Variants in CTNND2 observed in about 807,000 individuals in gnomAD.
CTNND2 encodes catenin delta-2.
A neutral mutation model predicts 144.4 loss-of-function variants in CTNND2; 22 were observed. That is an observed-to-expected ratio of 0.15 (90% CI 0.11 to 0.22). The LOEUF is 0.22. Ranked by LOEUF, CTNND2 falls within the 10% of genes least tolerant of loss-of-function variation. The pLI is 1.00. For missense variants in CTNND2, 1,353 were observed against 1,618.8 expected (o/e 0.84, Z 2.82); for synonymous variants, 751 against 695.6 (o/e 1.08, Z -1.25).
rs1789894935 is a variant in CTNND2, at chr5:11,770,905, G to C, written c.38-38633C>G. ...AACACAGTAGGTGCCCAAAAAGGAG[G>C]GGGGGACTAGTTTCAGTTGCTTTCT... On this transcript the variant is annotated intron_variant, in intron 1 of 21. Coordinates refer to ENST00000304623, the MANE Select transcript of CTNND2 (RefSeq NM_001332.4). Among the ~76,000 whole-genome samples the C allele has an allele frequency of 2.0e-5, 3 of 152,072 alleles. No homozygotes were observed. The South Asian group carries it at 6.2e-4, about 32-fold the overall frequency.
At chr5:11,597,172 A>C (rs1488822950) in intron 2 of CTNND2, among the ~76,000 whole-genome samples, 3 of 152,226 alleles carry the variant, frequency 2.0e-5, no homozygotes, top group Admixed American at 6.5e-5. Flanking sequence ...AGAATTTTGA[A>C]GACTTTTCTG....
chr5:11,469,576 G>A (rs1157966711), intron 3 of CTNND2, among the ~76,000 whole-genome samples: 1 of 152,090 alleles, frequency 6.6e-6, no homozygotes, highest in African/African-American at 2.4e-5. Flanking sequence ...CATCACAGGG[G>A]CTGACAAAGA....
intron 11 of CTNND2, among the ~76,000 whole-genome samples, chr5:11,188,003 G>T (rs891403709): frequency 5.9e-5 from 9 of 152,170 alleles, no homozygotes; most frequent in Non-Finnish European, 1.2e-4. Context: ...CACTGCTGGT[G>T]GGAATGTAAA....
intron 3 of CTNND2, among the ~76,000 whole-genome samples, chr5:11,528,699 T>C (rs896335036): frequency 1.3e-5 from 2 of 152,202 alleles, no homozygotes; most frequent in African/African-American, 2.4e-5. Context: ...CTTGGGGAGT[T>C]GGCCGTGCTG....
chr5:11,189,286 T>C (rs563464718), intron 11 of CTNND2, among the ~76,000 whole-genome samples: 1 of 152,030 alleles, frequency 6.6e-6, no homozygotes, highest in Non-Finnish European at 1.5e-5. Context: ...GGCTGTAAGG[T>C]GCCTGGGTCC....
chr5:11,156,109 T>C (rs1758196035), intron 12 of CTNND2, among the ~76,000 whole-genome samples: 1 of 152,182 alleles, frequency 6.6e-6, no homozygotes, highest in South Asian at 2.1e-4. Flanking sequence ...CTTGAGAAAC[T>C]GGACAGAGCC....
chr5:11,068,729 C>T (rs1747891077), intron 16 of CTNND2, among the ~76,000 whole-genome samples: 1 of 152,158 alleles, frequency 6.6e-6, no homozygotes. Flanking sequence ...TCCTGGCTAA[C>T]ACGGTGAAAC....
At chr5:11,283,814 G>A (rs764159138) in intron 9 of CTNND2, among the ~76,000 whole-genome samples, 16 of 150,292 alleles carry the variant, frequency 1.1e-4, no homozygotes, top group South Asian at 2.1e-4. Context: ...TAAATCACAC[G>A]TTAAATTTTT....
intron 3 of CTNND2, among the ~76,000 whole-genome samples, chr5:11,462,081 G>A (rs1766271600): frequency 6.6e-6 from 1 of 152,032 alleles, no homozygotes; most frequent in Non-Finnish European, 1.5e-5. Context: ...TCCACAGAGG[G>A]TTCCTGAGAT....
At chr5:11,702,621 C>T (rs1016782414) in intron 2 of CTNND2, among the ~76,000 whole-genome samples, 19 of 152,164 alleles carry the variant, frequency 1.2e-4, no homozygotes, top group African/African-American at 4.6e-4. Flanking sequence ...GACTCCAAGC[C>T]ACTCTCCAGC....
In CTNND2 at chr5:11,126,301, C is replaced by CA. The variant is rs899747764; in HGVS notation, c.2160-8735dup. Among the ~76,000 whole-genome samples the CA allele has an allele frequency of 6.1e-4, 92 of 150,024 alleles. No homozygotes were observed. In the East Asian group the frequency reaches 7.2e-3, roughly 12 times the overall value. On this transcript the variant is annotated intron_variant, in intron 12 of 21. Coordinates refer to ENST00000304623, the MANE Select transcript of CTNND2 (RefSeq NM_001332.4). ...GGGCAACAAGAGTGAAACTCTGTCT[C>CA]AAAAAAAAAGAAAATAGATCACAAT...
chr5:11,510,221 A>G (rs914967681), intron 3 of CTNND2, among the ~76,000 whole-genome samples: 1 of 152,244 alleles, frequency 6.6e-6, no homozygotes, highest in African/African-American at 2.4e-5. Flanking sequence ...GGATTACAGG[A>G]ATGAGCCACT....
At chr5:11,262,761 C>CAAAAAAAAAA (rs11289676) in intron 9 of CTNND2, among the ~76,000 whole-genome samples, 697 of 45,706 alleles carry the variant, frequency 0.015, 27 homozygotes, top group Non-Finnish European at 0.02. Context: ...GACTCTGTCT[C>CAAAAAAAAAA]AAAAAAAAAA....
At chr5:11,606,368 C>T (rs1780042388) in intron 2 of CTNND2, among the ~76,000 whole-genome samples, 3 of 152,126 alleles carry the variant, frequency 2.0e-5, no homozygotes, top group African/African-American at 7.2e-5. Context: ...TAAGTTTGTA[C>T]CAATTCACTT....
chr5:11,712,108 C>A, intron 2 of CTNND2, among the ~76,000 whole-genome samples: 1 of 152,168 alleles, frequency 6.6e-6, no homozygotes. Context: ...CCAGCTCCAT[C>A]ATGTAGCATA....
intron 1 of CTNND2, among the ~76,000 whole-genome samples, chr5:11,886,296 C>A (rs562244359): frequency 5.3e-5 from 8 of 151,846 alleles, no homozygotes; most frequent in African/African-American, 1.9e-4. Context: ...GAGAGAAGAA[C>A]CAAATAGTAC....
intron 12 of CTNND2, among the ~76,000 whole-genome samples, chr5:11,133,469 C>T (rs894737819): frequency 6.6e-6 from 1 of 152,164 alleles, no homozygotes; most frequent in Non-Finnish European, 1.5e-5. Flanking sequence ...TCTCCAACCT[C>T]AGCCTCCCAA....
intron 2 of CTNND2, among the ~76,000 whole-genome samples, chr5:11,583,529 T>A (rs1367304872): frequency 6.6e-6 from 1 of 152,218 alleles, no homozygotes; most frequent in Non-Finnish European, 1.5e-5. Context: ...AAATACCATG[T>A]AATGGAATAA....
chr5:11,248,006 G>A (rs1307872594), intron 9 of CTNND2, among the ~76,000 whole-genome samples: 2 of 152,030 alleles, frequency 1.3e-5, no homozygotes, highest in African/African-American at 2.4e-5. Context: ...AACAGCCCAA[G>A]GGAAAAAATA....
Sources: allele counts gnomAD v4.1 joint callset (sites outside exome capture counted in the v4.1 genomes callset), GRCh38; gene constraint gnomAD v4.1.1; transcripts MANE v1.5; gene names NCBI Gene and HGNC (gene_info 2026-07-23, HGNC 2026-07-21).